PLAGL1: variants seen among roughly 807,000 people sequenced by gnomAD.
The protein encoded by PLAGL1 is zinc finger protein PLAGL1.
PLAGL1 carries 1 observed loss-of-function variant against 4.6 expected under a neutral mutation model. That is an observed-to-expected ratio of 0.22 (90% confidence interval 0.08 to 1.03). PLAGL1 has a LOEUF of 1.03. Among genes scored for constraint, PLAGL1 ranks in the 50% least tolerant of loss-of-function variants. PLAGL1 has a pLI of 0.58. For synonymous variants in PLAGL1, 240 were observed against 237.8 expected, an observed-to-expected ratio of 1.01 and a Z score of -0.08; for missense variants, 464 against 570.4, an observed-to-expected ratio of 0.81 and a Z score of 1.90.
intron 1 of PLAGL1, among the ~76,000 whole-genome samples, chr6:144,035,495 C>A (rs1041099097): frequency 6.6e-6 from 1 of 152,340 alleles, no homozygotes; most frequent in African/African-American, 2.4e-5. Flanking sequence ...TCTAGCCGTG[C>A]TGGCAGCTGA....
intron 1 of PLAGL1, among the ~76,000 whole-genome samples, chr6:143,986,206 T>C (rs999729386): frequency 6.6e-6 from 1 of 151,798 alleles, no homozygotes; most frequent in Admixed American, 6.6e-5. Context: ...AAAGTCAAGA[T>C]GTTTTGATGT....
chr6:143,944,340 C>T (rs1779290785), intron 7 of PLAGL1, among the ~76,000 whole-genome samples: 1 of 152,118 alleles, frequency 6.6e-6, no homozygotes. Flanking sequence ...GTGGAGGCCC[C>T]CACCTAGAGG....
intron 1 of PLAGL1, among the ~76,000 whole-genome samples, chr6:144,020,318 C>T (rs992856276): frequency 2.0e-5 from 3 of 151,738 alleles, no homozygotes; most frequent in Admixed American, 6.6e-5. Context: ...CGGAGTCGCT[C>T]GCCCTGTTAC....
Position 144,036,837 on chromosome 6 carries a change from T to A in PLAGL1, c.-151+27631A>T. Reference sequence around the variant, plus strand: ...TTGACTAAACAGGTTTGAAATACTCTGGCATAAAATGAAGGCCATCCCCTA... The same window carrying A: ...TTGACTAAACAGGTTTGAAATACTCAGGCATAAAATGAAGGCCATCCCCTA... On this transcript the variant is annotated intron_variant, in intron 1 of 3. Coordinates refer to the PLAGL1 transcript ENST00000437412. The surrounding 1 kb of genome is among the most constrained non-coding windows in gnomAD (Gnocchi z 5.1). 3.2e-6 allele frequency: 1 copy of A among 307,900 alleles called. No homozygotes were observed. 19.1% of individuals were successfully genotyped at this position (307,900 alleles called of 1,614,324 possible). A position where few individuals can be genotyped will look rare whatever the true frequency, so the allele number is the denominator to read the frequency against.
In PLAGL1 at chr6:143,955,453, G is replaced by T. The variant is rs1781922614; in HGVS notation, c.-325+5016C>A. 6.6e-6 allele frequency among the ~76,000 whole-genome samples: 1 copy of T among 152,178 alleles called. No individual in the cohort carries two copies. Among genetic ancestry groups the T allele is most frequent in the African/African-American group, 2.4e-5 (1 of 41,460 alleles). On this transcript the variant is annotated intron_variant, in intron 6 of 7. Transcript: ENST00000674357. The surrounding 1 kb of genome is among the most constrained non-coding windows in gnomAD (Gnocchi z 4.9). ...AGATTGATCTATTTAGTCAAGTCCAGCCACAAACTCTTGAATTTATGTGGA... is the reference window on the plus strand; with the variant it reads ...AGATTGATCTATTTAGTCAAGTCCATCCACAAACTCTTGAATTTATGTGGA...
At chr6:144,008,428 G>C (rs1477167014), upstream of PLAGL1, 1 of 151,954 alleles carries the variant, frequency 6.6e-6, no homozygotes, top group Non-Finnish European at 1.5e-5. The surrounding 1 kb of genome is among the most constrained non-coding windows in gnomAD (Gnocchi z 6.9). Flanking sequence ...GCGCGGCCGC[G>C]AGGAGGGCGC....
Position 144,036,667 on chromosome 6 carries a change from G to A in PLAGL1, c.-151+27801C>T. Reference sequence around the variant, plus strand: ...CTTTTTGTTTTGTTTGTTTTAACTTGTGAGGCTTCTTCACTACTCAGGGAC... The same window carrying A: ...CTTTTTGTTTTGTTTGTTTTAACTTATGAGGCTTCTTCACTACTCAGGGAC... On this transcript the variant is annotated intron_variant, in intron 1 of 3. Transcript: ENST00000437412. This position sits in a 1 kb window ranked among gnomAD's most constrained non-coding sequence, Gnocchi z 5.1. The A allele has an allele frequency of 4.5e-6, 1 of 221,904 alleles. No homozygotes were observed. Among genetic ancestry groups the A allele is most frequent in the Non-Finnish European group, 9.0e-6 (1 of 111,298 alleles). 13.7% of individuals were successfully genotyped at this position (221,904 alleles called of 1,614,324 possible).
intron 1 of PLAGL1, among the ~76,000 whole-genome samples, chr6:144,014,910 A>T (rs551516846): frequency 5.9e-5 from 9 of 152,324 alleles, no homozygotes; most frequent in African/African-American, 1.4e-4. Context: ...CAGAGGTATA[A>T]CATAATTCCA....
Position 143,978,311 on chromosome 6 carries a change from A to C in PLAGL1, c.-544+6824T>G, listed in dbSNP as rs1313951284. 4.6e-5 allele frequency among the ~76,000 whole-genome samples: 7 copies of C among 152,186 alleles called. No individual in the cohort carries two copies. On this transcript the variant is annotated intron_variant, in intron 2 of 7. Transcript: ENST00000674357. This position sits in a 1 kb window ranked among gnomAD's most constrained non-coding sequence, Gnocchi z 4.6. ...CTTTTTCTTTTCTAATACATCATTTAATGCTACAAATTTTGAAGCACTGTT... is the reference window on the plus strand; with the variant it reads ...CTTTTTCTTTTCTAATACATCATTTCATGCTACAAATTTTGAAGCACTGTT...
chr6:143,977,092 C>A lies in PLAGL1; in HGVS notation c.-544+8043G>T, dbSNP rs922790976. Among the ~76,000 whole-genome samples, 10 of 149,218 alleles carry A rather than the reference C, an allele frequency of 6.7e-5. No individual in the cohort carries two copies. The East Asian group carries it at 8.0e-4, about 12-fold the overall frequency. Reference sequence around the variant, plus strand: ...TTCCCATATACTCCCTTCCCCCCCCCCAACACACTTAGCCTTCTCCATTAT... The same window carrying A: ...TTCCCATATACTCCCTTCCCCCCCCACAACACACTTAGCCTTCTCCATTAT... On this transcript the variant is annotated intron_variant, in intron 2 of 7. Transcript: ENST00000674357.
intron 7 of PLAGL1, among the ~76,000 whole-genome samples, chr6:143,946,673 C>T (rs1779866532): frequency 6.6e-6 from 1 of 152,202 alleles, no homozygotes; most frequent in Non-Finnish European, 1.5e-5. Flanking sequence ...TCCAGGGTCA[C>T]TCCAAGATTT....
At chr6:143,999,619 A>G (rs1792400021) in intron 1 of PLAGL1, among the ~76,000 whole-genome samples, 1 of 152,220 alleles carries the variant, frequency 6.6e-6, no homozygotes, top group African/African-American at 2.4e-5. Context: ...TCAGTTGCTA[A>G]GCTCTTGTGT....
chr6:143,954,846 A>G lies in PLAGL1; in HGVS notation c.-325+5623T>C, dbSNP rs567155570. Among the ~76,000 whole-genome samples the G allele has an allele frequency of 3.6e-4, 55 of 152,348 alleles. No individual in the cohort carries two copies. In the South Asian group the frequency reaches 9.5e-3, roughly 26 times the overall value. ...AAAGAATCCACACACAAGATTAGAA[A>G]GCCTGGCAAGGTGTTTGATTATAAA... is the stretch of plus-strand genomic sequence containing the variant. On this transcript the variant is annotated intron_variant, in intron 6 of 7. Transcript: ENST00000674357. This position sits in a 1 kb window ranked among gnomAD's most constrained non-coding sequence, Gnocchi z 5.1.
At chr6:144,037,603 A>G (rs1797341942) in intron 1 of PLAGL1, 2 of 152,278 alleles carry the variant, frequency 1.3e-5, no homozygotes. Flanking sequence ...TAAAAAAAAC[A>G]AAAACAAAGC....
At position 143,958,148 on chromosome 6, in the gene PLAGL1, T is replaced by C. The variant is rs1782561329; in HGVS notation, c.-325+2321A>G. Among the ~76,000 whole-genome samples, 1 of 152,162 alleles carries C rather than the reference T, an allele frequency of 6.6e-6. No homozygotes were observed. The highest frequency in any genetic ancestry group is 2.4e-5 in the African/African-American group (1 of 41,444). ...CACCTGGCAGGGGACACTGGGTTTATCCTACAGGGAACTGGGAGCCAGTGA... is the reference window on the plus strand; with the variant it reads ...CACCTGGCAGGGGACACTGGGTTTACCCTACAGGGAACTGGGAGCCAGTGA... On this transcript the variant is annotated intron_variant, in intron 6 of 7. Coordinates refer to ENST00000674357, the MANE Select transcript of PLAGL1 (RefSeq NM_001317162.2). The surrounding 1 kb of genome is among the most constrained non-coding windows in gnomAD (Gnocchi z 5.1).
chr6:143,991,107 G>A (rs1271383940), intron 1 of PLAGL1, among the ~76,000 whole-genome samples: 1 of 152,206 alleles, frequency 6.6e-6, no homozygotes, highest in African/African-American at 2.4e-5. Flanking sequence ...CACTCTGACA[G>A]ATGTGACATT....
chr6:144,054,498 G>A (rs780688021), intron 1 of PLAGL1, among the ~76,000 whole-genome samples: 3 of 152,136 alleles, frequency 2.0e-5, no homozygotes, highest in Non-Finnish European at 4.4e-5. Context: ...TAACACAGGA[G>A]CAGAAAACCA....
chr6:144,021,004 T>G (rs1795941050), intron 1 of PLAGL1, among the ~76,000 whole-genome samples: 1 of 150,678 alleles, frequency 6.6e-6, no homozygotes, highest in Non-Finnish European at 1.5e-5. Flanking sequence ...GAGGACACAG[T>G]GTTTAGGGAG....
rs375679973 is a variant in PLAGL1, at chr6:143,942,165, C to G, written c.651G>C (p.Gln217His). ...GGAAGGTGCTCAGAAGGTCTCCGGT[C>G]TGCAAGCTCTCTTTCATCAGCTCCT... ...HSQELMKESL[Q>H]TGDLLSTFHT... Residue 217 changes from glutamine to histidine, a missense_variant, in exon 8 of 8, where the codon CAG (glutamine) becomes CAC (histidine). Gln to His is a conservative substitution (Grantham distance 24). Transcript: ENST00000674357. This position sits in a 1 kb window ranked among gnomAD's most constrained non-coding sequence, Gnocchi z 7.6. 158 of 1,614,080 alleles carry G rather than the reference C, an allele frequency of 9.8e-5. No homozygotes were observed. The highest frequency in any genetic ancestry group is 1.2e-4 in the Non-Finnish European group (143 of 1,180,038).
Sources: allele counts gnomAD v4.1 joint callset (sites outside exome capture counted in the v4.1 genomes callset), GRCh38; gene constraint gnomAD v4.1.1; non-coding constraint Gnocchi (gnomAD v3.1); transcripts MANE v1.5; gene names NCBI Gene and HGNC (gene_info 2026-07-23, HGNC 2026-07-21).